ILDR2: variants seen among roughly 807,000 people sequenced by gnomAD.
The protein encoded by ILDR2 is immunoglobulin-like domain-containing receptor 2.
A neutral mutation model predicts 66.8 loss-of-function variants in ILDR2; 25 were observed. That is an observed-to-expected ratio of 0.37 (90% CI 0.27 to 0.52). The LOEUF (loss-of-function observed/expected upper bound fraction) is 0.52, where lower values mean the gene tolerates loss of function less well. ILDR2 is among the 20% of genes least tolerant of loss of function. The probability of loss-of-function intolerance (pLI) is 0.88; values close to 1 mark genes in which losing one functional copy is unlikely to be tolerated. For synonymous variants in ILDR2, 367 were observed against 357.2 expected (o/e 1.03, Z -0.31); for missense variants, 827 against 876.8 (o/e 0.94, Z 0.72).
At position 166,942,871 on chromosome 1, in the gene ILDR2, T is replaced by C. The variant is rs114203358; in HGVS notation, c.500-3301A>G. Among the ~76,000 whole-genome samples, 365 of 152,348 alleles carry C rather than the reference T, an allele frequency of 2.4e-3. 1 individual carries two copies. Among genetic ancestry groups the C allele is most frequent in the African/African-American group, 8.4e-3 (351 of 41,578 alleles). On this transcript the variant is annotated intron_variant, in intron 3 of 9. Coordinates refer to ENST00000271417, the MANE Select transcript of ILDR2 (RefSeq NM_199351.3). ...TGAAGGAACTTGCATTTTTTTACTTTAGACTTTTTTACTTTTGTAATGGAA... is the reference window on the plus strand; with the variant it reads ...TGAAGGAACTTGCATTTTTTTACTTCAGACTTTTTTACTTTTGTAATGGAA...
At position 166,916,122 on chromosome 1, in the gene ILDR2, G is replaced by T. The variant is rs1659634295; in HGVS notation, c.*3233C>A. On this transcript the variant is annotated 3_prime_UTR_variant, in exon 10 of 10. Transcript: ENST00000271417. ...GCATCCACACTCCCTCCTCCAGCGTGTTCCTGACTCAGTAGTGACTCACAG... is the reference window on the plus strand; with the variant it reads ...GCATCCACACTCCCTCCTCCAGCGTTTTCCTGACTCAGTAGTGACTCACAG... 1 of 152,502 alleles carries T rather than the reference G, an allele frequency of 6.6e-6. No individual in the cohort carries two copies. The highest frequency in any genetic ancestry group is 1.5e-5 in the Non-Finnish European group (1 of 68,192). 9.4% of individuals were successfully genotyped at this position (152,502 alleles called of 1,614,324 possible).
chr1:166,896,827 G>T (rs771889252), intron 2 of ILDR2, among the ~76,000 whole-genome samples: 251 of 152,014 alleles, frequency 1.7e-3, no homozygotes, highest in Non-Finnish European at 2.9e-3. Context: ...TAGAGATGGG[G>T]TTTCACTATG....
At chr1:166,933,835 C>G (rs1660781198) in intron 6 of ILDR2, among the ~76,000 whole-genome samples, 1 of 152,184 alleles carries the variant, frequency 6.6e-6, no homozygotes, top group African/African-American at 2.4e-5. Flanking sequence ...ACTTTTACTT[C>G]TCAGTCTGTG....
intron 1 of ILDR2, among the ~76,000 whole-genome samples, chr1:166,960,206 C>T (rs972914097): frequency 5.9e-5 from 9 of 152,124 alleles, no homozygotes; most frequent in Non-Finnish European, 7.4e-5. Context: ...CATCTGGAAG[C>T]GAATACAACA....
At chr1:166,932,111 C>G (rs781228241) in intron 6 of ILDR2, among the ~76,000 whole-genome samples, 2 of 152,188 alleles carry the variant, frequency 1.3e-5, no homozygotes, top group Non-Finnish European at 2.9e-5. Context: ...GAACACCCAG[C>G]ATACACAGAG....
chr1:166,932,880 T>C (rs1296924152), intron 6 of ILDR2, among the ~76,000 whole-genome samples: 3 of 152,220 alleles, frequency 2.0e-5, no homozygotes, highest in Non-Finnish European at 4.4e-5. Context: ...TAAATTAACA[T>C]TTCTTAACAT....
chr1:166,941,967 A>C (rs1196648872), intron 3 of ILDR2, among the ~76,000 whole-genome samples: 1 of 152,228 alleles, frequency 6.6e-6, no homozygotes, highest in Admixed American at 6.5e-5. Flanking sequence ...GTTATATCGG[A>C]AAAAGCAGTG....
rs1318181842 is a variant in ILDR2 at position 166,921,374 on chromosome 1, G to A, written c.1217C>T (p.Pro406Leu). ...CGACAGCATCTCCGACTTGGAGCGC[G>A]GCTGGCTGCGGGCAGAGAAGGAGGG... ...EDRESFRHSQ[P>L]RSKSEMLSRK... The change falls in exon 9 of 10, where the codon CCG becomes CTG. Residue 406 changes from proline to leucine, a missense_variant. Physicochemically the swap from Pro to Leu is moderately conservative, Grantham distance 98. Coordinates refer to ENST00000271417, the MANE Select transcript of ILDR2 (RefSeq NM_199351.3). The surrounding 1 kb of genome is among the most constrained non-coding windows in gnomAD (Gnocchi z 5.3). 6.4e-7 allele frequency: 1 copy of A among 1,562,412 alleles called. No individual in the cohort carries two copies. Among genetic ancestry groups the A allele is most frequent in the Non-Finnish European group, 8.7e-7 (1 of 1,151,114 alleles).
chr1:166,944,884 T>A (rs1364180183), intron 3 of ILDR2, among the ~76,000 whole-genome samples: 2 of 152,064 alleles, frequency 1.3e-5, no homozygotes, highest in Non-Finnish European at 2.9e-5. Context: ...TACGAGTGCC[T>A]CCACTACCAA....
Position 166,912,617 on chromosome 1 carries a change from C to T in ILDR2, c.*6738G>A, listed in dbSNP as rs1489281352. 1 of 152,038 alleles carries T rather than the reference C, an allele frequency of 6.6e-6. No individual in the cohort carries two copies. The highest frequency in any genetic ancestry group is 2.4e-5 in the African/African-American group (1 of 41,378). The allele number at this position is 152,038 out of a possible 1,614,324, so 9.4% of individuals were successfully genotyped here. ...TTAACTACTTAAAAAAAATTGAGCC[C>T]AGATGCTTCAAGCAAAAACAGATTT... On this transcript the variant is annotated 3_prime_UTR_variant, in exon 10 of 10. Coordinates refer to ENST00000271417, the MANE Select transcript of ILDR2 (RefSeq NM_199351.3).
chr1:166,962,695 G>A (rs1416703196), intron 1 of ILDR2, among the ~76,000 whole-genome samples: 1 of 152,004 alleles, frequency 6.6e-6, no homozygotes, highest in Non-Finnish European at 1.5e-5. Flanking sequence ...CTGAGCTGGG[G>A]TCCTACCTCT....
At chr1:166,972,702 G>A (rs2102041215) in intron 1 of ILDR2, among the ~76,000 whole-genome samples, 1 of 152,226 alleles carries the variant, frequency 6.6e-6, no homozygotes. Context: ...AAGAGAAACA[G>A]GAGGAGAAGG....
At chr1:166,905,799 G>T (rs1295282343), downstream of ILDR2, among the ~76,000 whole-genome samples, 9 of 152,162 alleles carry the variant, frequency 5.9e-5, no homozygotes, top group Admixed American at 1.3e-4. Context: ...AGCAGCCAAG[G>T]TTGGAAACTG....
chr1:166,962,636 T>A (rs887077482), intron 1 of ILDR2, among the ~76,000 whole-genome samples: 4 of 152,036 alleles, frequency 2.6e-5, no homozygotes, highest in Non-Finnish European at 5.9e-5. Flanking sequence ...AGATACCCTC[T>A]CTCTGGCTCC....
chr1:166,943,013 A>G (rs1661398422), intron 3 of ILDR2, among the ~76,000 whole-genome samples: 1 of 152,234 alleles, frequency 6.6e-6, no homozygotes, highest in Non-Finnish European at 1.5e-5. Context: ...AACAGTCAAT[A>G]TCTGATGCTT....
chr1:166,922,233 G>A (rs538432935), intron 8 of ILDR2, among the ~76,000 whole-genome samples: 1 of 152,132 alleles, frequency 6.6e-6, no homozygotes, highest in East Asian at 1.9e-4. Context: ...GTCTGTCAAC[G>A]TGGCAAAACC....
intron 9 of ILDR2, among the ~76,000 whole-genome samples, chr1:166,920,401 G>C (rs182519663): frequency 4.0e-4 from 61 of 152,314 alleles, no homozygotes; most frequent in African/African-American, 1.3e-3. Flanking sequence ...GATGCTAAAG[G>C]CTTCTGAGTT....
At chr1:166,955,495 AG>A (rs1166814907) in intron 3 of ILDR2, among the ~76,000 whole-genome samples, 1 of 152,148 alleles carries the variant, frequency 6.6e-6, no homozygotes, top group African/African-American at 2.4e-5. Context: ...CTGTAGTCCC[AG>A]CTACTTGGAG....
In ILDR2 at chr1:166,936,865, A is replaced by C. The variant is rs1661014047; in HGVS notation, c.557-128T>G. Reference sequence around the variant, plus strand: ...CCTAGGGAAGAAAGCTTCTCTTAACAGGAGACAGAGCCCCAACACTCAAGA... The same window carrying C: ...CCTAGGGAAGAAAGCTTCTCTTAACCGGAGACAGAGCCCCAACACTCAAGA... On this transcript the variant is annotated intron_variant, in intron 4 of 9. Transcript: ENST00000271417. The surrounding 1 kb of genome is among the most constrained non-coding windows in gnomAD (Gnocchi z 5.0). 8.3e-6 allele frequency: 7 copies of C among 843,824 alleles called. No homozygotes were observed. The highest frequency in any genetic ancestry group is 1.3e-5 in the Non-Finnish European group (7 of 527,002). The allele number at this position is 843,824 out of a possible 1,614,324, so 52.3% of individuals were successfully genotyped here. A position where few individuals can be genotyped will look rare whatever the true frequency, so the allele number is the denominator to read the frequency against.
Sources: gnomAD v4.1 joint callset for allele counts (sites outside exome capture counted in the v4.1 genomes callset) on GRCh38, gnomAD v4.1.1 for gene constraint, Gnocchi (gnomAD v3.1) non-coding constraint, MANE v1.5 for transcripts, NCBI Gene and HGNC (gene_info 2026-07-23, HGNC 2026-07-21) for gene names.